Variants in MYH16 observed in about 807,000 individuals in gnomAD.
The protein encoded by MYH16 is myosin heavy chain 16.
At chr7:99,296,790 G>C in exon 34 of MYH16, 1 of 456,786 alleles carries the variant, frequency 2.2e-6, no homozygotes, top group Non-Finnish European at 4.4e-6. Flanking sequence ...AGGAGTTGCA[G>C]GTGGAAGTGG....
At chr7:99,248,880 T>A (rs114231651) in intron 3 of MYH16, 5 of 152,658 alleles carry the variant, frequency 3.3e-5, no homozygotes. Context: ...AAGGCCACGA[T>A]CTAAGCCGGG....
intron 18 of MYH16, among the ~76,000 whole-genome samples, chr7:99,270,739 C>T: frequency 6.6e-6 from 1 of 151,966 alleles, no homozygotes; most frequent in East Asian, 1.9e-4. Context: ...ATAAATTTAG[C>T]CAGGCATGGT....
exon 29 of MYH16, chr7:99,287,988 C>T (rs1211397633): frequency 4.6e-5 from 21 of 456,636 alleles, no homozygotes; most frequent in South Asian, 2.8e-4. Flanking sequence ...CTCCACACTG[C>T]GCAAGAAGCA....
chr7:99,295,836 GAAAAAAAAAAAA>G (rs869299904), intron 33 of MYH16, among the ~76,000 whole-genome samples: 13 of 56,794 alleles, frequency 2.3e-4, no homozygotes, highest in African/African-American at 9.1e-4. Context: ...TCATCTCTTG[GAAAAAAAAAAAA>G]AAAAAAAAAA....
rs910280319 is a variant in MYH16 at position 99,283,666 on chromosome 7, T to C, written n.3079+15T>C. On this transcript the variant is annotated intron_variant and non_coding_transcript_variant, in intron 24 of 41. Transcript: ENST00000439784. ...AGATCCATGAGGTAATACCCATTGCTGTGGCCACCTCTACAACTCCAAGGC... is the reference window on the plus strand; with the variant it reads ...AGATCCATGAGGTAATACCCATTGCCGTGGCCACCTCTACAACTCCAAGGC... 6 of 456,516 alleles carry C rather than the reference T, an allele frequency of 1.3e-5. No homozygotes were observed. Among genetic ancestry groups the C allele is most frequent in the Non-Finnish European group, 2.6e-5 (6 of 226,944 alleles). The allele number at this position is 456,516 out of a possible 1,614,324, so 28.3% of individuals were successfully genotyped here.
At chr7:99,255,370 C>T (rs1437369459) in intron 8 of MYH16, among the ~76,000 whole-genome samples, 1 of 151,886 alleles carries the variant, frequency 6.6e-6, no homozygotes, top group Non-Finnish European at 1.5e-5. Flanking sequence ...ATCACTTAAG[C>T]CCAGGAGTTC....
At chr7:99,299,251 C>A (rs1321044462) in intron 36 of MYH16, among the ~76,000 whole-genome samples, 1 of 152,012 alleles carries the variant, frequency 6.6e-6, no homozygotes, top group Non-Finnish European at 1.5e-5. Context: ...ACAGCCTGAG[C>A]CACAGAGTGA....
intron 19 of MYH16, among the ~76,000 whole-genome samples, chr7:99,271,989 G>A (rs1359415635): frequency 1.3e-5 from 2 of 152,132 alleles, no homozygotes; most frequent in Admixed American, 6.5e-5. Context: ...GAGCCACTGC[G>A]CCCAGCCCAT....
exon 22 of MYH16, chr7:99,279,538 A>T: frequency 2.2e-6 from 1 of 456,550 alleles, no homozygotes; most frequent in East Asian, 7.0e-5. Flanking sequence ...GATGCAGAGG[A>T]GCGCCTGACA....
At chr7:99,242,114 G>A (rs1345563196) in intron 1 of MYH16, among the ~76,000 whole-genome samples, 2 of 152,116 alleles carry the variant, frequency 1.3e-5, no homozygotes, top group Non-Finnish European at 2.9e-5. Flanking sequence ...ACCCACCTCG[G>A]CCTCCCAAAG....
chr7:99,281,320 G>A (rs1302696107), intron 23 of MYH16, among the ~76,000 whole-genome samples: 1 of 152,124 alleles, frequency 6.6e-6, no homozygotes, highest in Non-Finnish European at 1.5e-5. Flanking sequence ...ACTTTGGGAG[G>A]CTGAGGCAGG....
intron 30 of MYH16, chr7:99,290,947 A>G (rs918965248): frequency 2.6e-5 from 4 of 153,050 alleles, no homozygotes; most frequent in African/African-American, 7.2e-5. Flanking sequence ...GGCTCCAGCA[A>G]TCATTCCACA....
intron 36 of MYH16, among the ~76,000 whole-genome samples, chr7:99,299,175 G>T (rs1025692331): frequency 6.6e-6 from 1 of 152,094 alleles, no homozygotes; most frequent in Non-Finnish European, 1.5e-5. Flanking sequence ...GAGCCCCAGA[G>T]TTCAAGGCTG....
chr7:99,241,748 G>A (rs1791669818), intron 1 of MYH16, among the ~76,000 whole-genome samples: 1 of 152,124 alleles, frequency 6.6e-6, no homozygotes, highest in African/African-American at 2.4e-5. Context: ...ATCCCAGTAT[G>A]GATTCAGGCC....
At chr7:99,280,130 C>T (rs1792182246) in intron 22 of MYH16, among the ~76,000 whole-genome samples, 1 of 152,196 alleles carries the variant, frequency 6.6e-6, no homozygotes, top group Non-Finnish European at 1.5e-5. Context: ...GTCTTGGCCT[C>T]CCAAAGTGCT....
exon 11 of MYH16, chr7:99,258,305 C>T: frequency 6.5e-6 from 1 of 153,912 alleles, no homozygotes. Flanking sequence ...TGGTTGGTGG[C>T]CAGGATTAAC....
At chr7:99,288,796 G>A (rs187968516) in intron 29 of MYH16, among the ~76,000 whole-genome samples, 40 of 151,206 alleles carry the variant, frequency 2.6e-4, no homozygotes, top group African/African-American at 7.8e-4. Context: ...CTACTGTGAG[G>A]GCTGCAATAG....
At chr7:99,283,534 G>A (rs1792231339) in intron 23 of MYH16, 31 bp from the exon 6 acceptor site, 1 of 455,220 alleles carries the variant, frequency 2.2e-6, no homozygotes, top group South Asian at 1.6e-5. Flanking sequence ...ACTGGGCCTC[G>A]TGGCACTCAC....
intron 38 of MYH16, among the ~76,000 whole-genome samples, chr7:99,302,339 C>CAG: frequency 6.8e-6 from 1 of 148,062 alleles, no homozygotes; most frequent in Non-Finnish European, 1.5e-5. Context: ...CACACACACA[C>CAG]ACACACACAC....
Sources: allele counts gnomAD v4.1 joint callset (sites outside exome capture counted in the v4.1 genomes callset), GRCh38; gene constraint gnomAD v4.1.1; transcripts MANE v1.5; gene names NCBI Gene and HGNC (gene_info 2026-07-23, HGNC 2026-07-21).